The following FBXO25 variants were observed in gnomAD, a reference collection of about 807,000 sequenced individuals.
FBXO25 encodes F-box protein 25.
Under a neutral mutation model 51.9 loss-of-function variants are expected in FBXO25, and 45 were observed. That is an observed-to-expected ratio of 0.87 (90% CI 0.68 to 1.11). FBXO25 has a LOEUF of 1.11. Among genes scored for constraint, FBXO25 ranks in the 50% most tolerant of loss-of-function variants. The pLI, the probability that FBXO25 is intolerant of heterozygous loss-of-function variation, is 0.00. For synonymous variants in FBXO25, 199 were observed against 151.0 expected, an observed-to-expected ratio of 1.32 and a Z score of -2.33; for missense variants, 507 against 428.5, an observed-to-expected ratio of 1.18 and a Z score of -1.62.
chr8:439,696 G>T (rs1279723141), intron 5 of FBXO25, among the ~76,000 whole-genome samples: 14 of 152,192 alleles, frequency 9.2e-5, no homozygotes, highest in Admixed American at 9.2e-4. Flanking sequence ...AGACTCCCCA[G>T]TCCTGTTTCC....
At chr8:413,473 C>G (rs998836005) in intron 2 of FBXO25, among the ~76,000 whole-genome samples, 18 of 151,826 alleles carry the variant, frequency 1.2e-4, no homozygotes, top group African/African-American at 4.1e-4. Context: ...TTTTTAATCC[C>G]ACATTATAGC....
At chr8:452,167 C>T (rs1305093108) in intron 7 of FBXO25, among the ~76,000 whole-genome samples, 1 of 152,210 alleles carries the variant, frequency 6.6e-6, no homozygotes, top group Non-Finnish European at 1.5e-5. Context: ...GAATGGTTTT[C>T]AAGTGCCCTT....
chr8:468,671 CTGG>C, intron 9 of FBXO25, 41 bp from the exon 10 acceptor site: 1 of 1,492,828 alleles, frequency 6.7e-7, no homozygotes, highest in Non-Finnish European at 9.3e-7. Flanking sequence ...TAGAGTGTGG[CTGG>C]TGGTGGGGCC....
chr8:470,909 A>C lies in FBXO25; in HGVS notation c.*2105A>C, dbSNP rs1301883800. 13 of 152,078 alleles carry C rather than the reference A, an allele frequency of 8.5e-5. No individual in the cohort carries two copies. Among genetic ancestry groups the C allele is most frequent in the Non-Finnish European group, 1.9e-4 (13 of 68,000 alleles). The allele number at this position is 152,078 out of a possible 1,614,324, so 9.4% of individuals were successfully genotyped here. On this transcript the variant is annotated 3_prime_UTR_variant, in exon 10 of 10. Transcript: ENST00000350302. ...TTGCCTGTTTTTTGGGGTGGATGTCAGTCTTTTTTCATGTTAGTTTCTTCT... is the reference window on the plus strand; with the variant it reads ...TTGCCTGTTTTTTGGGGTGGATGTCCGTCTTTTTTCATGTTAGTTTCTTCT...
At chr8:417,037 G>T (rs1394277898) in intron 2 of FBXO25, among the ~76,000 whole-genome samples, 1 of 152,138 alleles carries the variant, frequency 6.6e-6, no homozygotes, top group African/African-American at 2.4e-5. Flanking sequence ...GGGCCTCCCC[G>T]GCAGGGAAAG....
chr8:434,763 G>T lies in FBXO25; in HGVS notation c.289-852G>T, dbSNP rs1798004128. Among the ~76,000 whole-genome samples, 2 of 152,160 alleles carry T rather than the reference G, an allele frequency of 1.3e-5. 1 individual carries two copies. The highest frequency in any genetic ancestry group is 4.1e-4 in the South Asian group (2 of 4,828). On this transcript the variant is annotated intron_variant, in intron 4 of 9. Coordinates refer to ENST00000350302, the MANE Select transcript of FBXO25 (RefSeq NM_183420.2). ...GGAGGATGAAGATGGAGTTTAAAATGACTTCTGAAACCTAGTGTGCTAATC... is the reference window on the plus strand; with the variant it reads ...GGAGGATGAAGATGGAGTTTAAAATTACTTCTGAAACCTAGTGTGCTAATC...
At chr8:443,265 C>T (rs551617275) in intron 5 of FBXO25, among the ~76,000 whole-genome samples, 4 of 150,454 alleles carry the variant, frequency 2.7e-5, no homozygotes, top group South Asian at 4.2e-4. Flanking sequence ...GGCAAGTATC[C>T]GAATTATATT....
intron 5 of FBXO25, among the ~76,000 whole-genome samples, chr8:443,977 T>C (rs889061582): frequency 6.6e-6 from 1 of 152,222 alleles, no homozygotes; most frequent in Non-Finnish European, 1.5e-5. Context: ...TCTTCAGGTC[T>C]GGCCCCTCCC....
At chr8:422,581 C>G (rs1039336367) in intron 2 of FBXO25, among the ~76,000 whole-genome samples, 11 of 152,164 alleles carry the variant, frequency 7.2e-5, no homozygotes, top group Non-Finnish European at 1.0e-4. Flanking sequence ...GATCCTTGTT[C>G]TATGGCTGCA....
chr8:439,497 C>G (rs981166923), intron 5 of FBXO25, among the ~76,000 whole-genome samples: 1 of 152,248 alleles, frequency 6.6e-6, no homozygotes, highest in African/African-American at 2.4e-5. Flanking sequence ...ACTTCATTCT[C>G]TGCCTGTGGT....
At chr8:410,549 C>A (rs1796426704) in intron 1 of FBXO25, among the ~76,000 whole-genome samples, 1 of 152,072 alleles carries the variant, frequency 6.6e-6, no homozygotes, top group Non-Finnish European at 1.5e-5. Context: ...TTATGAGACT[C>A]AAGGTGCCAC....
At chr8:421,058 C>T (rs1482761977) in intron 2 of FBXO25, among the ~76,000 whole-genome samples, 3 of 152,244 alleles carry the variant, frequency 2.0e-5, no homozygotes, top group Non-Finnish European at 2.9e-5. Flanking sequence ...CTGTTAGGAC[C>T]TGGGCCACAG....
intron 4 of FBXO25, 91 bp downstream of exon 4, chr8:433,026 A>G (rs1418899749): frequency 2.0e-5 from 28 of 1,370,120 alleles, no homozygotes; most frequent in Non-Finnish European, 2.5e-5. Context: ...AAAGTTGCAT[A>G]AAACACATTT....
At chr8:445,408 G>T (rs997883918) in intron 5 of FBXO25, among the ~76,000 whole-genome samples, 1 of 152,192 alleles carries the variant, frequency 6.6e-6, no homozygotes, top group Non-Finnish European at 1.5e-5. Context: ...TGGAGCAGCA[G>T]TTCCAAACCC....
intron 5 of FBXO25, among the ~76,000 whole-genome samples, chr8:436,723 T>C (rs956817738): frequency 6.6e-6 from 1 of 152,230 alleles, no homozygotes; most frequent in African/African-American, 2.4e-5. Flanking sequence ...TTTTCAGTAC[T>C]TAAGTAGCCG....
At position 408,306 on chromosome 8, in the gene FBXO25, A is replaced by G. The variant is rs1440875966; in HGVS notation, c.-8+1240A>G. Among the ~76,000 whole-genome samples the G allele has an allele frequency of 2.6e-5, 4 of 151,038 alleles. No individual in the cohort carries two copies. The East Asian group carries it at 5.8e-4, about 22-fold the overall frequency. ...GTTCATCATTACTTGAAATCATATT[A>G]GTGATCTGTAATAGACGGTAAAAAA... On this transcript the variant is annotated intron_variant, in intron 1 of 9. Coordinates refer to ENST00000350302, the MANE Select transcript of FBXO25 (RefSeq NM_183420.2).
intron 6 of FBXO25, 108 bp from the exon 7 acceptor site, chr8:451,161 T>G: frequency 1.2e-6 from 1 of 861,868 alleles, no homozygotes; most frequent in Non-Finnish European, 1.8e-6. Context: ...AGATCACACG[T>G]TGTTTGTCTG....
At chr8:451,195 G>T in intron 6 of FBXO25, 74 bp from the exon 7 acceptor site, 2 of 1,314,462 alleles carry the variant, frequency 1.5e-6, no homozygotes, top group Non-Finnish European at 1.0e-6. Flanking sequence ...GGACATTTGG[G>T]TTATGAAACT....
chr8:430,337 G>C (rs1035786473), intron 2 of FBXO25, among the ~76,000 whole-genome samples: 1 of 152,116 alleles, frequency 6.6e-6, no homozygotes, highest in African/African-American at 2.4e-5. Flanking sequence ...TCAGTTGTTT[G>C]TATGTTTTTC....
Sources: gnomAD v4.1 joint callset for allele counts (sites outside exome capture counted in the v4.1 genomes callset) on GRCh38, gnomAD v4.1.1 for gene constraint, MANE v1.5 for transcripts, NCBI Gene and HGNC (gene_info 2026-07-23, HGNC 2026-07-21) for gene names.